Variants in ALDH3A2 observed in about 807,000 individuals in gnomAD.
ALDH3A2 encodes aldehyde dehydrogenase family 3 member A2.
In ALDH3A2, 36 loss-of-function variants were observed where a neutral mutation model predicts 51.3. The observed-to-expected ratio is 0.70, with a 90% CI of 0.54 to 0.93. The LOEUF (loss-of-function observed/expected upper bound fraction) is 0.93, where lower values mean the gene tolerates loss of function less well. ALDH3A2 is among the 40% of genes least tolerant of loss of function. The probability of loss-of-function intolerance (pLI) is 0.00; values close to 1 mark genes in which losing one functional copy is unlikely to be tolerated. For synonymous variants in ALDH3A2, 199 were observed against 219.8 expected, an observed-to-expected ratio of 0.91 and a Z score of 0.84; for missense variants, 552 against 603.1, an observed-to-expected ratio of 0.92 and a Z score of 0.89.
chr17:19,675,551 T>C lies in ALDH3A2; in HGVS notation c.1444-7T>C. 6.2e-7 allele frequency: 1 copy of C among 1,613,848 alleles called. No homozygotes were observed. The highest frequency in any genetic ancestry group is 1.3e-5 in the African/African-American group (1 of 75,044). ...GAGTAAACTGAATCCTTTTTTCCTC[T>C]CTCCAGGCAGAATATTACTGAAGAA... is the stretch of plus-strand genomic sequence containing the variant. On this transcript the variant is annotated splice_polypyrimidine_tract_variant and splice_region_variant and intron_variant, in intron 9 of 9. Transcript: ENST00000176643.
chr17:19,656,282 A>G, intron 3 of ALDH3A2, 84 bp from the exon 4 acceptor site: 1 of 1,220,110 alleles, frequency 8.2e-7, no homozygotes, highest in South Asian at 1.3e-5. Context: ...ACTGAATGTT[A>G]CATGTTTATG....
Position 19,657,726 on chromosome 17 carries a change from C to G in ALDH3A2, c.681-19C>G, listed in dbSNP as rs1388023035. 6.6e-7 allele frequency: 1 copy of G among 1,512,566 alleles called. No homozygotes were observed. The highest frequency in any genetic ancestry group is 1.1e-5 in the South Asian group (1 of 88,984). The allele number at this position is 1,512,566 out of a possible 1,614,324, so 93.7% of individuals were successfully genotyped here. A position where few individuals can be genotyped will look rare whatever the true frequency, so the allele number is the denominator to read the frequency against. ...TGAATTACTGAATTATATAGCTGTT[C>G]TGGATGTTTTCCCCTCAGACGCATA... On this transcript the variant is annotated intron_variant, in intron 4 of 9. Coordinates refer to ENST00000176643, the MANE Select transcript of ALDH3A2 (RefSeq NM_000382.3).
rs1413685289 is a variant in ALDH3A2 at position 19,676,099 on chromosome 17, G to C, written c.*527G>C. The C allele has an allele frequency of 1.2e-5, 2 of 161,948 alleles. No individual in the cohort carries two copies. Among genetic ancestry groups the C allele is most frequent in the African/African-American group, 4.8e-5 (2 of 41,546 alleles). The allele number at this position is 161,948 out of a possible 1,614,324, so 10.0% of individuals were successfully genotyped here. ...AGGGAGGGGTTACTCCTCCTCCAATGGGACTCAAGGACTTGACCTCCAGGA... is the reference window on the plus strand; with the variant it reads ...AGGGAGGGGTTACTCCTCCTCCAATCGGACTCAAGGACTTGACCTCCAGGA... On this transcript the variant is annotated 3_prime_UTR_variant, in exon 10 of 10. Transcript: ENST00000176643.
chr17:19,674,206 C>T (rs2085158510), intron 9 of ALDH3A2: 1 of 152,174 alleles, frequency 6.6e-6, no homozygotes, highest in African/African-American at 2.4e-5. Flanking sequence ...CGGAAGCTTA[C>T]TTGGGTCTCT....
chr17:19,662,501 C>T (rs571590417), intron 6 of ALDH3A2, among the ~76,000 whole-genome samples: 1 of 152,320 alleles, frequency 6.6e-6, no homozygotes, highest in East Asian at 1.9e-4. Context: ...TTCTTACTTA[C>T]AGCATCTTTT....
intron 8 of ALDH3A2, 51 bp from the exon 9 acceptor site, chr17:19,671,670 A>T (rs761733297): frequency 6.6e-7 from 1 of 1,505,180 alleles, no homozygotes; most frequent in Non-Finnish European, 9.2e-7. Context: ...AGACAGAAGT[A>T]GCTTGCATCA....
At chr17:19,673,135 A>C in intron 9 of ALDH3A2, 3 of 1,614,174 alleles carry the variant, frequency 1.9e-6, no homozygotes, top group Non-Finnish European at 2.5e-6. Flanking sequence ...ATTTGAAATC[A>C]TTTGGGTTTT....
chr17:19,673,362 G>A (rs200164904), intron 9 of ALDH3A2: 1 of 1,422,536 alleles, frequency 7.0e-7, no homozygotes, highest in Non-Finnish European at 9.4e-7. Context: ...TTTTGTTTTT[G>A]TTTTTGTTTT....
intron 9 of ALDH3A2, among the ~76,000 whole-genome samples, chr17:19,673,665 C>T (rs1008408374): frequency 3.3e-5 from 5 of 151,996 alleles, no homozygotes; most frequent in African/African-American, 7.3e-5. Context: ...TTGCAGTGAG[C>T]CAAGATTGTG....
chr17:19,664,964 T>C lies in ALDH3A2; in HGVS notation c.1124T>C (p.Ile375Thr). ...SHNHKLIKRM[I>T]DETSSGGVTG... ...TGTCCTCAGCTCATCAAACGGATGA[T>C]TGATGAGACATCCAGTGGAGGTGTC... The change falls in exon 8 of 10, where the codon ATT becomes ACT. Residue 375 changes from isoleucine to threonine, a missense_variant. By Grantham distance (89) the Ile-to-Thr change is moderately conservative (BLOSUM62 -1). Coordinates refer to ENST00000176643, the MANE Select transcript of ALDH3A2 (RefSeq NM_000382.3). 3.1e-6 allele frequency: 5 copies of C among 1,613,784 alleles called. No homozygotes were observed. The highest frequency in any genetic ancestry group is 1.7e-4 in the Middle Eastern group (1 of 5,902).
chr17:19,674,522 T>C (rs948096769), intron 9 of ALDH3A2: 2 of 152,238 alleles, frequency 1.3e-5, no homozygotes, highest in African/African-American at 4.8e-5. Context: ...GTGGTTTGAT[T>C]CCTGGCTCAA....
rs60107647 is a variant in ALDH3A2 at position 19,673,386 on chromosome 17, GT to G, written c.1443+1440del. The G allele has an allele frequency of 0.54, 646,405 of 1,191,012 alleles. 172,046 individuals are homozygous for G. Among genetic ancestry groups the G allele is most frequent in the East Asian group, 0.95 (33,497 of 35,162 alleles). 73.8% of individuals were successfully genotyped at this position (1,191,012 alleles called of 1,614,324 possible). The stretch of plus-strand genomic sequence containing the variant: ...TGTTTTTGTTTTTGTTTTTATTTTT[GT>G]TTTTTTTTTGCTACAGTTGGAGGCT... On this transcript the variant is annotated intron_variant, in intron 9 of 9. Coordinates refer to ENST00000176643, the MANE Select transcript of ALDH3A2 (RefSeq NM_000382.3).
chr17:19,656,587 C>T lies in ALDH3A2; in HGVS notation c.680+13C>T, dbSNP rs371412659. 3 of 1,598,922 alleles carry T rather than the reference C, an allele frequency of 1.9e-6. No homozygotes were observed. The highest frequency in any genetic ancestry group is 1.1e-5 in the South Asian group (1 of 89,208). The stretch of plus-strand genomic sequence containing the variant: ...ACATTGTTTGCAGGTGAGTCTGGCT[C>T]TCTGATTTTCTGAGGTTTTCCCAGC... On this transcript the variant is annotated intron_variant, in intron 4 of 9. Coordinates refer to ENST00000176643, the MANE Select transcript of ALDH3A2 (RefSeq NM_000382.3).
At chr17:19,666,000 T>C (rs548454652) in intron 8 of ALDH3A2, among the ~76,000 whole-genome samples, 65 of 152,140 alleles carry the variant, frequency 4.3e-4, no homozygotes, top group Non-Finnish European at 8.2e-4. Context: ...GGTCCTTGTC[T>C]AGGAGGTAAA....
intron 9 of ALDH3A2, chr17:19,673,160 G>C: frequency 1.9e-6 from 3 of 1,614,184 alleles, no homozygotes; most frequent in Non-Finnish European, 2.5e-6. Context: ...GAAATACCAA[G>C]CTGTGCTGAG....
chr17:19,662,900 G>A (rs1320904142), intron 6 of ALDH3A2, among the ~76,000 whole-genome samples: 1 of 152,090 alleles, frequency 6.6e-6, no homozygotes, highest in Non-Finnish European at 1.5e-5. Flanking sequence ...AGCTACTCGG[G>A]AGGCTGAGAC....
intron 1 of ALDH3A2, among the ~76,000 whole-genome samples, chr17:19,651,053 C>CTCAAGA (rs1480257484): frequency 6.6e-6 from 1 of 152,140 alleles, no homozygotes; most frequent in Non-Finnish European, 1.5e-5. Flanking sequence ...TCAAGAAATA[C>CTCAAGA]AATAAGTTCC....
intron 5 of ALDH3A2, among the ~76,000 whole-genome samples, chr17:19,659,301 G>T (rs893724601): frequency 1.7e-4 from 26 of 152,280 alleles, no homozygotes; most frequent in Admixed American, 1.5e-3. Context: ...ACTTTGGGAG[G>T]CTAAGGTGGG....
In ALDH3A2 at chr17:19,663,463, G is replaced by C; in HGVS notation, c.1071G>C (p.Lys357Asn). 3 of 1,614,144 alleles carry C rather than the reference G, an allele frequency of 1.9e-6. No individual in the cohort carries two copies. Among genetic ancestry groups the C allele is most frequent in the Non-Finnish European group, 2.5e-6 (3 of 1,180,018 alleles). ...TAAATTTCATAAATGAACGTGAAAA[G>C]CCTCTGGCTCTTTATGTATTTTCGC... ...EAINFINERE[K>N]PLALYVFSHN... Residue 357 changes from lysine (K) to asparagine (N), a missense_variant, in exon 7 of 10, where the codon AAG becomes AAC. Physicochemically the swap from Lys to Asn is moderately conservative, Grantham distance 94. Coordinates refer to ENST00000176643, the MANE Select transcript of ALDH3A2 (RefSeq NM_000382.3).
Sources: gnomAD v4.1 joint callset for allele counts (sites outside exome capture counted in the v4.1 genomes callset) on GRCh38, gnomAD v4.1.1 for gene constraint, MANE v1.5 for transcripts, NCBI Gene and HGNC (gene_info 2026-07-23, HGNC 2026-07-21) for gene names.